The following PTPRN2 variants were observed in gnomAD, a reference collection of about 807,000 sequenced individuals.
The protein encoded by PTPRN2 is receptor-type tyrosine-protein phosphatase N2.
In PTPRN2, 74 loss-of-function variants were observed where a neutral mutation model predicts 118.8. The ratio of observed to expected loss-of-function variants is 0.62; its 90% CI spans 0.52 to 0.76. PTPRN2 has a LOEUF of 0.76. PTPRN2 is among the 30% of genes least tolerant of loss of function. The pLI is 0.00. For missense variants in PTPRN2, 1,481 were observed against 1,394.4 expected (o/e 1.06, Z -0.99); for synonymous variants, 641 against 608.0 (o/e 1.05, Z -0.80).
At chr7:157,915,061 G>T (rs931607626) in intron 11 of PTPRN2, among the ~76,000 whole-genome samples, 1 of 151,912 alleles carries the variant, frequency 6.6e-6, no homozygotes, top group Non-Finnish European at 1.5e-5. Context: ...TTCCTCCTAT[G>T]TTCCTTTAAT....
At position 158,022,447 on chromosome 7, in the gene PTPRN2, G is replaced by T. The variant is rs1038373056; in HGVS notation, c.1723+58851C>A. On this transcript the variant is annotated intron_variant, in intron 11 of 22. Coordinates refer to ENST00000389418, the MANE Select transcript of PTPRN2 (RefSeq NM_002847.5). This position sits in a 1 kb window ranked among gnomAD's most constrained non-coding sequence, Gnocchi z 4.6. ...AGCCCATGATGTGTTCACAGCCAAG[G>T]CCCCGGCACCTGGGCACTCTGGGGC... Among the ~76,000 whole-genome samples the T allele has an allele frequency of 8.5e-5, 13 of 152,130 alleles. No individual in the cohort carries two copies. Among genetic ancestry groups the T allele is most frequent in the Non-Finnish European group, 1.9e-4 (13 of 68,020 alleles).
intron 12 of PTPRN2, among the ~76,000 whole-genome samples, chr7:157,829,690 G>A (rs1314510365): frequency 6.6e-6 from 1 of 152,176 alleles, no homozygotes. Flanking sequence ...GCACCCACCT[G>A]CTGAGAGCCC....
At chr7:158,207,621 C>T (rs1585852077) in intron 3 of PTPRN2, among the ~76,000 whole-genome samples, 1 of 152,244 alleles carries the variant, frequency 6.6e-6, no homozygotes, top group Non-Finnish European at 1.5e-5. Flanking sequence ...ACAACCCCAT[C>T]AAAAAGTGGG....
rs925216433 is a variant in PTPRN2 at position 157,929,287 on chromosome 7, T to A, written c.1724-30550A>T. 4.0e-5 allele frequency among the ~76,000 whole-genome samples: 6 copies of A among 151,748 alleles called. No homozygotes were observed. The highest frequency in any genetic ancestry group is 1.2e-4 in the African/African-American group (5 of 41,370). The stretch of plus-strand genomic sequence containing the variant: ...TGGCAGCCTGCCATCCGCTCTCTGC[T>A]CCTCTGACTACCTTCAGCAACCCTG... On this transcript the variant is annotated intron_variant, in intron 11 of 22. Transcript: ENST00000389418. This position sits in a 1 kb window ranked among gnomAD's most constrained non-coding sequence, Gnocchi z 4.4.
chr7:158,150,815 C>T (rs1035449523), intron 6 of PTPRN2, among the ~76,000 whole-genome samples: 3 of 151,978 alleles, frequency 2.0e-5, no homozygotes, highest in African/African-American at 4.8e-5. Flanking sequence ...GTCCTGTGAA[C>T]TCTCCCATGA....
chr7:158,527,188 C>T (rs1307050232), intron 1 of PTPRN2, among the ~76,000 whole-genome samples: 1 of 152,168 alleles, frequency 6.6e-6, no homozygotes, highest in African/African-American at 2.4e-5. Flanking sequence ...TGTGTCCTTC[C>T]CGCACCGTGG....
At position 157,763,531 on chromosome 7, in the gene PTPRN2, C is replaced by G. The variant is rs1802271276; in HGVS notation, c.1789-80594G>C. ...CCTCTCGGCTGGGTCCCCAGGGGAG[C>G]TGCACACTGAGCCTCCACCTCCTTT... On this transcript the variant is annotated intron_variant, in intron 12 of 22. Coordinates refer to ENST00000389418, the MANE Select transcript of PTPRN2 (RefSeq NM_002847.5). This position sits in a 1 kb window ranked among gnomAD's most constrained non-coding sequence, Gnocchi z 4.9. 6.6e-6 allele frequency among the ~76,000 whole-genome samples: 1 copy of G among 152,100 alleles called. No individual in the cohort carries two copies. Among genetic ancestry groups the G allele is most frequent in the Admixed American group, 6.5e-5 (1 of 15,278 alleles).
chr7:157,887,608 C>T (rs1313265929), intron 12 of PTPRN2, among the ~76,000 whole-genome samples: 2 of 87,950 alleles, frequency 2.3e-5, no homozygotes, highest in Middle Eastern at 6.9e-3. Context: ...TCTCCCAGTA[C>T]ATGCTTCCCC....
intron 6 of PTPRN2, among the ~76,000 whole-genome samples, chr7:158,148,985 GCCACACA>G (rs1234679241): frequency 4.2e-4 from 52 of 124,582 alleles, no homozygotes; most frequent in Admixed American, 4.7e-4. Flanking sequence ...CCCATCTCAC[GCCACACA>G]TCTTTCCCCC....
intron 1 of PTPRN2, among the ~76,000 whole-genome samples, chr7:158,538,940 A>G (rs1225536007): frequency 6.6e-6 from 1 of 152,196 alleles, no homozygotes; most frequent in Non-Finnish European, 1.5e-5. Context: ...GCCCAGTCCC[A>G]GGACCTGCTG....
At chr7:157,581,053 C>CCAGCA (rs1351346947) in intron 17 of PTPRN2, among the ~76,000 whole-genome samples, 2 of 134,508 alleles carry the variant, frequency 1.5e-5, no homozygotes, top group African/African-American at 5.7e-5. Flanking sequence ...CCTGCACACC[C>CCAGCA]CCTGCACACC....
At chr7:158,250,895 C>T (rs866249130) in intron 3 of PTPRN2, among the ~76,000 whole-genome samples, 7 of 152,110 alleles carry the variant, frequency 4.6e-5, no homozygotes, top group Middle Eastern at 6.8e-3. Flanking sequence ...ATTAACAATT[C>T]GCTTATTCTT....
chr7:157,862,774 A>C (rs1364892928), intron 12 of PTPRN2: 1 of 149,672 alleles, frequency 6.7e-6, no homozygotes, highest in South Asian at 2.1e-4. Flanking sequence ...CCACGTGCAC[A>C]GACCCAGCTC....
chr7:157,557,552 C>CACA (rs1798968002), intron 21 of PTPRN2, among the ~76,000 whole-genome samples: 4 of 149,626 alleles, frequency 2.7e-5, no homozygotes, highest in South Asian at 2.1e-4. Context: ...ACACACACTC[C>CACA]CACACACACA....
chr7:158,531,049 C>T (rs561443238), intron 1 of PTPRN2, among the ~76,000 whole-genome samples: 43 of 152,094 alleles, frequency 2.8e-4, no homozygotes, highest in African/African-American at 9.9e-4. Flanking sequence ...TGTGCATGGG[C>T]GTGGGTGAGC....
At chr7:158,560,156 G>A (rs560221730) in intron 1 of PTPRN2, among the ~76,000 whole-genome samples, 90 of 152,352 alleles carry the variant, frequency 5.9e-4, no homozygotes, top group Non-Finnish European at 9.8e-4. Flanking sequence ...GTAGCACGCT[G>A]AAGACTGGGT....
At position 158,007,546 on chromosome 7, in the gene PTPRN2, C is replaced by T. The variant is rs118183945; in HGVS notation, c.1723+73752G>A. On this transcript the variant is annotated intron_variant, in intron 11 of 22. Transcript: ENST00000389418. ...GGCACCTCCCACAGGGAGCAGAGAGCGGACGATGGCCGGTGGTGATGAGAT... is the reference window on the plus strand; with the variant it reads ...GGCACCTCCCACAGGGAGCAGAGAGTGGACGATGGCCGGTGGTGATGAGAT... Among the ~76,000 whole-genome samples the T allele has an allele frequency of 2.2e-3, 328 of 152,242 alleles. 1 individual carries two copies. The highest frequency in any genetic ancestry group is 3.6e-3 in the Non-Finnish European group (245 of 68,028).
intron 14 of PTPRN2, among the ~76,000 whole-genome samples, chr7:157,645,226 C>G (rs911905181): frequency 4.6e-5 from 7 of 152,236 alleles, no homozygotes; most frequent in African/African-American, 1.2e-4. Context: ...CAAAACCACT[C>G]TTGGAAGGAA....
chr7:158,453,512 G>A (rs982806962), intron 2 of PTPRN2, among the ~76,000 whole-genome samples: 1 of 152,216 alleles, frequency 6.6e-6, no homozygotes, highest in Non-Finnish European at 1.5e-5. Flanking sequence ...CTACACAGAG[G>A]AGGACTGAGT....
Sources: allele counts gnomAD v4.1 joint callset (sites outside exome capture counted in the v4.1 genomes callset), GRCh38; gene constraint gnomAD v4.1.1; non-coding constraint Gnocchi (gnomAD v3.1); transcripts MANE v1.5; gene names NCBI Gene and HGNC (gene_info 2026-07-23, HGNC 2026-07-21).